The following SLC9A9 variants were observed in gnomAD, a reference collection of about 807,000 sequenced individuals.
SLC9A9 encodes the protein solute carrier family 9 member A9, also known as sodium/hydrogen exchanger 9.
A neutral mutation model predicts 77.8 loss-of-function variants in SLC9A9; 62 were observed. The observed-to-expected ratio is 0.80, with a 90% CI of 0.65 to 0.98. The LOEUF (loss-of-function observed/expected upper bound fraction) is 0.98. Among genes scored for constraint, SLC9A9 ranks in the 50% least tolerant of loss-of-function variants. SLC9A9 has a pLI of 0.00. For synonymous variants in SLC9A9, 320 were observed against 283.5 expected (o/e 1.13, Z -1.29); for missense variants, 775 against 774.9 (o/e 1.00, Z 0.00).
intron 13 of SLC9A9, among the ~76,000 whole-genome samples, chr3:143,377,632 C>T (rs986677818): frequency 1.3e-5 from 2 of 152,188 alleles, no homozygotes; most frequent in Admixed American, 1.3e-4. Flanking sequence ...CATTAAGTAA[C>T]AAGCATAGTG....
In SLC9A9 at chr3:143,390,920, C is replaced by G. The variant is rs183540880; in HGVS notation, c.1470-8806G>C. On this transcript the variant is annotated intron_variant, in intron 12 of 15. Coordinates refer to ENST00000316549, the MANE Select transcript of SLC9A9 (RefSeq NM_173653.4). ...GCTGGGGGAGGGGTGCCCACCATTG[C>G]TGAGGCTTGAGTAGGTAAACAAAGC... 4.8e-4 allele frequency among the ~76,000 whole-genome samples: 73 copies of G among 152,326 alleles called. No homozygotes were observed. In the East Asian group the frequency reaches 0.011, roughly 23 times the overall value.
intron 14 of SLC9A9, among the ~76,000 whole-genome samples, chr3:143,352,320 T>C (rs991776881): frequency 2.0e-5 from 3 of 152,182 alleles, no homozygotes; most frequent in African/African-American, 4.8e-5. Context: ...ATTAAACACA[T>C]GTTAAAGGAT....
At chr3:143,674,555 C>G (rs906446089) in intron 5 of SLC9A9, among the ~76,000 whole-genome samples, 1 of 152,046 alleles carries the variant, frequency 6.6e-6, no homozygotes, top group African/African-American at 2.4e-5. Context: ...AGAGCGACAC[C>G]TAGCCGTGAT....
At chr3:143,407,362 A>G (rs2034002100) in intron 12 of SLC9A9, among the ~76,000 whole-genome samples, 1 of 152,228 alleles carries the variant, frequency 6.6e-6, no homozygotes, top group Admixed American at 6.5e-5. Flanking sequence ...ATCTTAGGCT[A>G]TGATACTGCA....
chr3:143,667,308 T>C (rs1365392591), intron 5 of SLC9A9, among the ~76,000 whole-genome samples: 1 of 152,206 alleles, frequency 6.6e-6, no homozygotes, highest in Non-Finnish European at 1.5e-5. Flanking sequence ...ATCCCTTCCT[T>C]ACACCTTATA....
At chr3:143,771,026 A>T (rs1482993779) in intron 4 of SLC9A9, among the ~76,000 whole-genome samples, 1 of 152,210 alleles carries the variant, frequency 6.6e-6, no homozygotes, top group Non-Finnish European at 1.5e-5. Context: ...AAATAAAAAA[A>T]AAAGATGCTC....
intron 2 of SLC9A9, among the ~76,000 whole-genome samples, chr3:143,808,436 G>A (rs926097420): frequency 6.6e-6 from 1 of 152,138 alleles, no homozygotes; most frequent in Non-Finnish European, 1.5e-5. Flanking sequence ...ACTAGGTTTT[G>A]TATTTTATAA....
intron 8 of SLC9A9, among the ~76,000 whole-genome samples, chr3:143,566,743 G>T (rs1017303983): frequency 2.0e-5 from 3 of 152,112 alleles, no homozygotes; most frequent in Non-Finnish European, 2.9e-5. Flanking sequence ...TTAGAGCAAT[G>T]CCTGGAAGCA....
At chr3:143,765,259 G>A (rs1419054575) in intron 4 of SLC9A9, among the ~76,000 whole-genome samples, 2 of 148,970 alleles carry the variant, frequency 1.3e-5, no homozygotes, top group Non-Finnish European at 3.0e-5. Flanking sequence ...GGCTGGTCTT[G>A]AACTCCTGGG....
At chr3:143,592,881 A>T (rs1443981759) in intron 6 of SLC9A9, among the ~76,000 whole-genome samples, 1 of 152,142 alleles carries the variant, frequency 6.6e-6, no homozygotes, top group African/African-American at 2.4e-5. Flanking sequence ...TCTTCAAAAG[A>T]TCCACTGTCT....
chr3:143,773,321 T>C (rs184078483), intron 4 of SLC9A9, among the ~76,000 whole-genome samples: 2 of 152,116 alleles, frequency 1.3e-5, no homozygotes, highest in Non-Finnish European at 2.9e-5. Context: ...CATTCTTAAG[T>C]TGCATTTCCA....
chr3:143,443,162 G>A (rs140755333), intron 12 of SLC9A9, among the ~76,000 whole-genome samples: 4 of 152,024 alleles, frequency 2.6e-5, no homozygotes, highest in African/African-American at 7.3e-5. Flanking sequence ...TTAGGGCTTG[G>A]GGGTGTGGGG....
At chr3:143,648,409 C>A (rs896947861) in intron 6 of SLC9A9, among the ~76,000 whole-genome samples, 8 of 152,132 alleles carry the variant, frequency 5.3e-5, no homozygotes, top group African/African-American at 1.9e-4. Flanking sequence ...GCGCAGTTCA[C>A]AATAGGGTTT....
At chr3:143,670,671 C>T (rs2039142648) in intron 5 of SLC9A9, among the ~76,000 whole-genome samples, 1 of 152,154 alleles carries the variant, frequency 6.6e-6, no homozygotes, top group African/African-American at 2.4e-5. Context: ...TTCTCAGAGC[C>T]TTCTCCCCAC....
At chr3:143,286,224 T>G (rs1349097535) in intron 14 of SLC9A9, among the ~76,000 whole-genome samples, 1 of 152,206 alleles carries the variant, frequency 6.6e-6, no homozygotes, top group Non-Finnish European at 1.5e-5. Context: ...TTAAGAGTGC[T>G]TTCGAAGGAG....
At chr3:143,707,790 G>A (rs967114296) in intron 4 of SLC9A9, among the ~76,000 whole-genome samples, 1 of 152,164 alleles carries the variant, frequency 6.6e-6, no homozygotes, top group Non-Finnish European at 1.5e-5. Flanking sequence ...GAACAGAAAA[G>A]ACTGCAGACA....
At chr3:143,732,086 T>G (rs796963765) in intron 4 of SLC9A9, among the ~76,000 whole-genome samples, 4 of 152,338 alleles carry the variant, frequency 2.6e-5, no homozygotes, top group African/African-American at 9.6e-5. Flanking sequence ...AACCCTGTGT[T>G]GGTTAGTGAC....
chr3:143,483,230 C>G (rs1404614780), intron 11 of SLC9A9, among the ~76,000 whole-genome samples: 1 of 152,166 alleles, frequency 6.6e-6, no homozygotes, highest in Non-Finnish European at 1.5e-5. Flanking sequence ...GGGATTCATG[C>G]CAGGTGAGAA....
At chr3:143,507,724 A>G (rs139542184) in intron 9 of SLC9A9, among the ~76,000 whole-genome samples, 192 of 152,360 alleles carry the variant, frequency 1.3e-3, no homozygotes, top group African/African-American at 4.4e-3. Flanking sequence ...TCTGGCTTCT[A>G]TAATAAATAC....
Sources: allele counts gnomAD v4.1 joint callset (sites outside exome capture counted in the v4.1 genomes callset), GRCh38; gene constraint gnomAD v4.1.1; transcripts MANE v1.5; gene names NCBI Gene and HGNC (gene_info 2026-07-23, HGNC 2026-07-21).